Variants in ICAM5 observed in about 807,000 individuals in gnomAD.
ICAM5 encodes intercellular adhesion molecule 5.
ICAM5 carries 38 observed loss-of-function variants against 78.8 expected under a neutral mutation model. That is an observed-to-expected ratio of 0.48 (90% confidence interval 0.37 to 0.63). ICAM5 has a LOEUF of 0.63. Ranked by LOEUF, ICAM5 falls within the 30% of genes least tolerant of loss-of-function variation. ICAM5 has a pLI of 0.00. For missense variants in ICAM5, 1,059 were observed against 1,303.0 expected, an observed-to-expected ratio of 0.81 and a Z score of 2.88; for synonymous variants, 544 against 590.9, an observed-to-expected ratio of 0.92 and a Z score of 1.15.
In ICAM5 at chr19:10,290,050, G is replaced by A. The variant is rs1239104125; in HGVS notation, c.7G>A (p.Gly3Arg). Residue 3 changes from glycine to arginine, a missense_variant, in exon 1 of 11, where the codon GGG (glycine) becomes AGG (arginine). Physicochemically the swap from Gly to Arg is moderately radical, Grantham distance 125 (BLOSUM62 -2). This residue lies in a region of ICAM5 where 815 missense variants were observed against 952.8 expected (regional missense o/e 0.86). Transcript: ENST00000221980. This position sits in a 1 kb window ranked among gnomAD's most constrained non-coding sequence, Gnocchi z 5.7. ...TGCTTTCCCCGCCGCGGCGATGCCAGGGCCTTCGCCAGGGCTGCGCCGGGC... is the reference window on the plus strand; with the variant it reads ...TGCTTTCCCCGCCGCGGCGATGCCAAGGCCTTCGCCAGGGCTGCGCCGGGC... The part of the protein sequence containing the change: MP[G>R]PSPGLRRALL... 1 of 1,541,124 alleles carries A rather than the reference G, an allele frequency of 6.5e-7. No individual in the cohort carries two copies. Among genetic ancestry groups the A allele is most frequent in the East Asian group, 2.5e-5 (1 of 40,710 alleles).
Position 10,291,919 on chromosome 19 carries a change from G to A in ICAM5, c.673+110G>A, listed in dbSNP as rs909222112. Reference sequence around the variant, plus strand: ...ACCCCGACTTCAACCCTCGCCGGCTGAGCTGTTTCCCCCTCCGTGCCTTGA... The same window carrying A: ...ACCCCGACTTCAACCCTCGCCGGCTAAGCTGTTTCCCCCTCCGTGCCTTGA... On this transcript the variant is annotated intron_variant, in intron 3 of 10. Coordinates refer to ENST00000221980, the MANE Select transcript of ICAM5 (RefSeq NM_003259.4). 6.7e-6 allele frequency: 10 copies of A among 1,487,738 alleles called. No individual in the cohort carries two copies. The African/African-American group carries it at 7.0e-5, about 10-fold the overall frequency. The allele number at this position is 1,487,738 out of a possible 1,614,324, so 92.2% of individuals were successfully genotyped here.
In ICAM5 at chr19:10,290,878, C is replaced by T; in HGVS notation, c.83-194C>T. The T allele has an allele frequency of 1.5e-6, 1 of 675,842 alleles. No individual in the cohort carries two copies. The highest frequency in any genetic ancestry group is 2.5e-6 in the Non-Finnish European group (1 of 407,284). 41.9% of individuals were successfully genotyped at this position (675,842 alleles called of 1,614,324 possible). A position where few individuals can be genotyped will look rare whatever the true frequency, so the allele number is the denominator to read the frequency against. ...GCTCTCTGCTACCACGTCCCAGAGA[C>T]ACCCTCGAGGTTTAGACTCTGGGAG... On this transcript the variant is annotated intron_variant, in intron 1 of 10. Coordinates refer to ENST00000221980, the MANE Select transcript of ICAM5 (RefSeq NM_003259.4). The surrounding 1 kb of genome is among the most constrained non-coding windows in gnomAD (Gnocchi z 5.7).
At chr19:10,291,461 A>G (rs1198191690) in intron 2 of ICAM5, 28 bp from the exon 3 acceptor site, 3 of 1,610,732 alleles carry the variant, frequency 1.9e-6, no homozygotes, top group African/African-American at 1.3e-5. Flanking sequence ...CCGGTGTTCA[A>G]AGAGCTGCGG....
In ICAM5 at chr19:10,290,200, C is replaced by T. The variant is rs540400022; in HGVS notation, c.82+75C>T. On this transcript the variant is annotated intron_variant, in intron 1 of 10. Coordinates refer to ENST00000221980, the MANE Select transcript of ICAM5 (RefSeq NM_003259.4). This position sits in a 1 kb window ranked among gnomAD's most constrained non-coding sequence, Gnocchi z 5.7. Reference sequence around the variant, plus strand: ...TGGACCTGAGAAACGGCCTCCTGTCCCTCCCAGCTCTGCCCTCGCCTCGCT... The same window carrying T: ...TGGACCTGAGAAACGGCCTCCTGTCTCTCCCAGCTCTGCCCTCGCCTCGCT... The T allele has an allele frequency of 3.2e-5, 36 of 1,125,296 alleles. No individual in the cohort carries two copies. The East Asian group carries it at 9.8e-4, about 31-fold the overall frequency. The allele number at this position is 1,125,296 out of a possible 1,614,324, so 69.7% of individuals were successfully genotyped here.
Position 10,296,381 on chromosome 19 carries a change from C to G in ICAM5, c.2540C>G (p.Ala847Gly). ...WVAVGGAAGG[A>G]ALLAAGAGLA... ...GCCGTGGGCGGCGCGGCGGGGGGCGCGGCGCTGCTGGCCGCGGGGGCCGGC... is the reference window on the plus strand; with the variant it reads ...GCCGTGGGCGGCGCGGCGGGGGGCGGGGCGCTGCTGGCCGCGGGGGCCGGC... The change falls in exon 11 of 11, where the codon GCG becomes GGG. Residue 847 changes from alanine (A) to glycine (G), a missense_variant. By Grantham distance (60) the Ala-to-Gly change is moderately conservative. Around this residue, in one of 3 missense-constraint regions of ICAM5, gnomAD observed 109 missense variants for 120.0 expected, o/e 0.91. Transcript: ENST00000221980. 7.9e-7 allele frequency: 1 copy of G among 1,258,788 alleles called. No homozygotes were observed. Among genetic ancestry groups the G allele is most frequent in the Non-Finnish European group, 1.0e-6 (1 of 994,252 alleles). The allele number at this position is 1,258,788 out of a possible 1,614,324, so 78.0% of individuals were successfully genotyped here. A position where few individuals can be genotyped will look rare whatever the true frequency, so the allele number is the denominator to read the frequency against.
Position 10,292,180 on chromosome 19 carries a change from T to C in ICAM5, c.819T>C (p.Pro273=), listed in dbSNP as rs777499826. 1.2e-6 allele frequency: 2 copies of C among 1,613,368 alleles called. No individual in the cohort carries two copies. Among genetic ancestry groups the C allele is most frequent in the Admixed American group, 3.3e-5 (2 of 60,018 alleles). ...YLALGDQNLS[P]DVTLEGDAFV... ...CACTGGGGGACCAGAATCTGAGTCC[T>C]GATGTCACCCTCGAAGGGGACGCAT... Residue 273 remains proline, a synonymous_variant, in exon 4 of 11, where the codon CCT becomes CCC. Coordinates refer to ENST00000221980, the MANE Select transcript of ICAM5 (RefSeq NM_003259.4).
Position 10,296,505 on chromosome 19 carries a change from C to A in ICAM5, c.2664C>A (p.Gly888=), listed in dbSNP as rs1225087928. 8.2e-7 allele frequency: 1 copy of A among 1,226,512 alleles called. No homozygotes were observed. The highest frequency in any genetic ancestry group is 1.0e-6 in the Non-Finnish European group (1 of 968,026). The allele number at this position is 1,226,512 out of a possible 1,614,324, so 76.0% of individuals were successfully genotyped here. ...SGEAVCLNGA[G]GGAGGAAGAE... is the part of the protein sequence containing the mutation. The stretch of plus-strand genomic sequence containing the variant: ...AGGCCGTGTGTCTGAACGGAGCGGG[C>A]GGCGGCGCTGGCGGGGCGGCAGGCG... Residue 888 remains glycine, a synonymous_variant, in exon 11 of 11, where the codon GGC becomes GGA. Coordinates refer to ENST00000221980, the MANE Select transcript of ICAM5 (RefSeq NM_003259.4).
Position 10,290,441 on chromosome 19 carries a change from A to G in ICAM5, c.82+316A>G. Reference sequence around the variant, plus strand: ...TACGCTGTGCTGTGCACCATGGTCCACGGACTGGCATCTTCCCCACTCGCG... The same window carrying G: ...TACGCTGTGCTGTGCACCATGGTCCGCGGACTGGCATCTTCCCCACTCGCG... On this transcript the variant is annotated intron_variant, in intron 1 of 10. Transcript: ENST00000221980. This position sits in a 1 kb window ranked among gnomAD's most constrained non-coding sequence, Gnocchi z 5.7. The G allele has an allele frequency of 3.2e-6, 1 of 315,668 alleles. No individual in the cohort carries two copies. The highest frequency in any genetic ancestry group is 5.3e-5 in the East Asian group (1 of 18,704). The allele number at this position is 315,668 out of a possible 1,614,324, so 19.6% of individuals were successfully genotyped here. A position where few individuals can be genotyped will look rare whatever the true frequency, so the allele number is the denominator to read the frequency against.
Position 10,295,617 on chromosome 19 carries a change from G to C in ICAM5, c.2497+5G>C. The stretch of plus-strand genomic sequence containing the variant: ...GCATCACGGTGCGCGTGGCCGGTAA[G>C]TGGCAGCTGGGGAGAGGCGGGGCGA... On this transcript the variant is annotated splice_donor_5th_base_variant and intron_variant, in intron 10 of 10. Coordinates refer to ENST00000221980, the MANE Select transcript of ICAM5 (RefSeq NM_003259.4). 1 of 1,539,352 alleles carries C rather than the reference G, an allele frequency of 6.5e-7. No individual in the cohort carries two copies. Among genetic ancestry groups the C allele is most frequent in the Non-Finnish European group, 8.7e-7 (1 of 1,144,970 alleles).
rs765799576 is a variant in ICAM5 at position 10,294,551 on chromosome 19, G to T, written c.2141G>T (p.Arg714Leu). The T allele has an allele frequency of 6.2e-7, 1 of 1,612,430 alleles. No homozygotes were observed. Residue 714 changes from arginine to leucine, a missense_variant, in exon 9 of 11, where the codon CGC becomes CTC. Coordinates refer to ENST00000221980, the MANE Select transcript of ICAM5 (RefSeq NM_003259.4). The surrounding 1 kb of genome is among the most constrained non-coding windows in gnomAD (Gnocchi z 7.7). ...REGIPWPEQQRVSREDAGTYH... is the reference protein window; with the variant it reads ...REGIPWPEQQLVSREDAGTYH... Reference sequence around the variant, plus strand: ...GGCATCCCATGGCCTGAGCAGCAGCGCGTGTCCCGAGAGGACGCGGGCACT... The same window carrying T: ...GGCATCCCATGGCCTGAGCAGCAGCTCGTGTCCCGAGAGGACGCGGGCACT...
Position 10,294,752 on chromosome 19 carries a change from TC to T in ICAM5, c.2230+114del, listed in dbSNP as rs2040207102. 6.6e-7 allele frequency: 1 copy of T among 1,506,346 alleles called. No homozygotes were observed. The highest frequency in any genetic ancestry group is 9.0e-7 in the Non-Finnish European group (1 of 1,112,256). The allele number at this position is 1,506,346 out of a possible 1,614,324, so 93.3% of individuals were successfully genotyped here. A position where few individuals can be genotyped will look rare whatever the true frequency, so the allele number is the denominator to read the frequency against. ...AATCCCATTCTCGGGGACAGGGAATTCCAGCCTAAACCAGGGGGTAATGAAA... is the reference window on the plus strand; with the variant it reads ...AATCCCATTCTCGGGGACAGGGAATTCAGCCTAAACCAGGGGGTAATGAAA... On this transcript the variant is annotated intron_variant, in intron 9 of 10. Transcript: ENST00000221980. This position sits in a 1 kb window ranked among gnomAD's most constrained non-coding sequence, Gnocchi z 7.7.
At position 10,293,726 on chromosome 19, in the gene ICAM5, C is replaced by T. The variant is rs1241699056; in HGVS notation, c.1494C>T (p.Cys498=). The T allele has an allele frequency of 1.2e-6, 2 of 1,613,826 alleles. No homozygotes were observed. The highest frequency in any genetic ancestry group is 1.7e-6 in the Non-Finnish European group (2 of 1,180,002). The change falls in exon 7 of 11, where the codon TGC becomes TGT. Residue 498 remains cysteine (C), a synonymous_variant. Coordinates refer to ENST00000221980, the MANE Select transcript of ICAM5 (RefSeq NM_003259.4). The surrounding 1 kb of genome is among the most constrained non-coding windows in gnomAD (Gnocchi z 5.0). ...CACCAGCGCTGGACAGCGTGGGCTGCCCAGAACGCATTACTTGGCTGGAGG... is the reference window on the plus strand; with the variant it reads ...CACCAGCGCTGGACAGCGTGGGCTGTCCAGAACGCATTACTTGGCTGGAGG... The part of the protein sequence containing the change: ...EYAPALDSVG[C]PERITWLEGT...
rs529309010 is a variant in ICAM5, at chr19:10,295,640, C to CG, written c.2497+29dup. The CG allele has an allele frequency of 4.2e-3, 6,422 of 1,527,204 alleles. 43 individuals are homozygous for CG. The highest frequency in any genetic ancestry group is 0.015 in the South Asian group (1,207 of 82,210). The allele number at this position is 1,527,204 out of a possible 1,614,324, so 94.6% of individuals were successfully genotyped here. A position where few individuals can be genotyped will look rare whatever the true frequency, so the allele number is the denominator to read the frequency against. On this transcript the variant is annotated intron_variant, in intron 10 of 10. Transcript: ENST00000221980. ...AAGTGGCAGCTGGGGAGAGGCGGGGCGAGGTATCTGAGAGGGGGCGTGACC... is the reference window on the plus strand; with the variant it reads ...AAGTGGCAGCTGGGGAGAGGCGGGGCGGAGGTATCTGAGAGGGGGCGTGACC...
chr19:10,296,623 T>G lies in ICAM5; in HGVS notation c.*7T>G. 8.3e-7 allele frequency: 1 copy of G among 1,209,612 alleles called. No individual in the cohort carries two copies. Among genetic ancestry groups the G allele is most frequent in the Non-Finnish European group, 1.0e-6 (1 of 970,100 alleles). 74.9% of individuals were successfully genotyped at this position (1,209,612 alleles called of 1,614,324 possible). ...ACAGCTGACATCGGCGTGAGCCCGC[T>G]CCCCTCTCCCCGCGGGCCGGGGGAC... On this transcript the variant is annotated 3_prime_UTR_variant, in exon 11 of 11. Transcript: ENST00000221980.
intron 3 of ICAM5, 107 bp from the exon 4 acceptor site, chr19:10,291,928 C>G: frequency 6.7e-7 from 1 of 1,484,988 alleles, no homozygotes; most frequent in Non-Finnish European, 9.2e-7. Context: ...TGAGCTGTTT[C>G]CCCCTCCGTG....
In ICAM5 at chr19:10,296,711, T is replaced by C; in HGVS notation, c.*95T>C. Reference sequence around the variant, plus strand: ...ATTTATTTACTTATTCATTTATTTATGTATTCAACTCCAAGGGCGTCACCC... The same window carrying C: ...ATTTATTTACTTATTCATTTATTTACGTATTCAACTCCAAGGGCGTCACCC... On this transcript the variant is annotated 3_prime_UTR_variant, in exon 11 of 11. Coordinates refer to ENST00000221980, the MANE Select transcript of ICAM5 (RefSeq NM_003259.4). The C allele has an allele frequency of 9.4e-7, 1 of 1,067,788 alleles. No individual in the cohort carries two copies. Among genetic ancestry groups the C allele is most frequent in the Non-Finnish European group, 1.2e-6 (1 of 860,290 alleles). The allele number at this position is 1,067,788 out of a possible 1,614,324, so 66.1% of individuals were successfully genotyped here. A position where few individuals can be genotyped will look rare whatever the true frequency, so the allele number is the denominator to read the frequency against.
At chr19:10,291,431 C>T (rs2040171232) in intron 2 of ICAM5, 58 bp from the exon 3 acceptor site, 2 of 1,609,286 alleles carry the variant, frequency 1.2e-6, no homozygotes, top group African/African-American at 2.7e-5. Context: ...CCCTTCAGGC[C>T]CCACCTTCTG....
Position 10,291,749 on chromosome 19 carries a change from C to A in ICAM5, c.613C>A (p.Arg205=). The change falls in exon 3 of 11, where the codon CGG becomes AGG. Residue 205 remains arginine, a synonymous_variant. Transcript: ENST00000221980. The part of the protein sequence containing the change: ...NFSCRAELDL[R]PHGLGLFENS... ...CTCGTGTCGCGCCGAGCTGGACCTGCGGCCGCACGGACTGGGACTGTTTGA... is the reference window on the plus strand; with the variant it reads ...CTCGTGTCGCGCCGAGCTGGACCTGAGGCCGCACGGACTGGGACTGTTTGA... 6.2e-7 allele frequency: 1 copy of A among 1,612,812 alleles called. No individual in the cohort carries two copies. The highest frequency in any genetic ancestry group is 8.5e-7 in the Non-Finnish European group (1 of 1,179,978).
rs1413153966 is a variant in ICAM5 at position 10,295,416 on chromosome 19, G to A, written c.2301G>A (p.Leu767=). 1.9e-6 allele frequency: 3 copies of A among 1,607,500 alleles called. No individual in the cohort carries two copies. Among genetic ancestry groups the A allele is most frequent in the Admixed American group, 1.7e-5 (1 of 59,626 alleles). The change falls in exon 10 of 11, where the codon TTG becomes TTA. Residue 767 remains leucine, a synonymous_variant. Transcript: ENST00000221980. ...TGCGCCCAGGAGGAAACTTCACGTT[G>A]ACCTGCCGCGCGGAGGCCTGGCCTC... The part of the protein sequence containing the change: ...GGVRPGGNFT[L]TCRAEAWPPA...
Sources: allele counts gnomAD v4.1 joint callset, GRCh38; gene constraint gnomAD v4.1.1; regional missense constraint gnomAD v4.1.1; non-coding constraint Gnocchi (gnomAD v3.1); transcripts MANE v1.5; gene names NCBI Gene and HGNC (gene_info 2026-07-23, HGNC 2026-07-21).